Variants in MOB2 observed in about 807,000 individuals in gnomAD.
MOB2 encodes MOB kinase activator 2.
A neutral mutation model predicts 27.4 loss-of-function variants in MOB2; 14 were observed. The ratio of observed to expected loss-of-function variants is 0.51; its 90% CI spans 0.34 to 0.80. The LOEUF is 0.80. Among genes scored for constraint, MOB2 ranks in the 30% least tolerant of loss-of-function variants. The probability of loss-of-function intolerance (pLI) is 0.01; values close to 1 mark genes in which losing one functional copy is unlikely to be tolerated. For missense variants in MOB2, 304 were observed against 354.6 expected, an observed-to-expected ratio of 0.86 and a Z score of 1.15; for synonymous variants, 167 against 151.8, an observed-to-expected ratio of 1.10 and a Z score of -0.74.
At chr11:1,476,090 C>T (rs1268325051) in intron 3 of MOB2, among the ~76,000 whole-genome samples, 1 of 152,166 alleles carries the variant, frequency 6.6e-6, no homozygotes, top group Admixed American at 6.5e-5. Context: ...GGAGGAGGCA[C>T]ACCTGGAGCA....
rs759934798 is a variant in MOB2 at position 1,470,252 on chromosome 11, C to CGGCCCCGCT, written c.718_726dup (p.Ser240_Ala242dup). ...CCACTGCCCCCACTGTGGACCCCGC[C>CGGCCCCGCT]GGCCCCGCTGCATAGCACCTCGGTG... On this transcript the variant is annotated inframe_insertion, in exon 5 of 5. Coordinates refer to ENST00000329957, the MANE Select transcript of MOB2 (RefSeq NM_001172223.3). 1.2e-6 allele frequency: 2 copies of CGGCCCCGCT among 1,612,696 alleles called. No individual in the cohort carries two copies. Among genetic ancestry groups the CGGCCCCGCT allele is most frequent in the East Asian group, 4.5e-5 (2 of 44,876 alleles).
chr11:1,470,059 CCT>C lies in MOB2; in HGVS notation c.*111_*112del. ...AGCCCACACCAGTGCAGCCCGGGGC[CCT>C]CTCAGACCTCACCACACGCGTGCCC... On this transcript the variant is annotated 3_prime_UTR_variant, in exon 5 of 5. Transcript: ENST00000329957. The C allele has an allele frequency of 6.5e-7, 1 of 1,538,388 alleles. No homozygotes were observed. Among genetic ancestry groups the C allele is most frequent in the African/African-American group, 1.4e-5 (1 of 73,188 alleles).
chr11:1,481,168 C>A (rs763909205), intron 1 of MOB2: 2 of 568,872 alleles, frequency 3.5e-6, no homozygotes, highest in Admixed American at 5.2e-5. Flanking sequence ...TCACCCCTCA[C>A]CAAGTCCTCC....
At chr11:1,482,313 C>T (rs1202606480) in intron 1 of MOB2, among the ~76,000 whole-genome samples, 1 of 152,232 alleles carries the variant, frequency 6.6e-6, no homozygotes, top group Non-Finnish European at 1.5e-5. Context: ...GCTGTCAGCG[C>T]GCTCACTCTC....
chr11:1,478,186 A>C (rs1281793121), intron 3 of MOB2, among the ~76,000 whole-genome samples: 1 of 151,402 alleles, frequency 6.6e-6, no homozygotes, highest in Admixed American at 6.6e-5. Context: ...CCACAGCCCC[A>C]CCGCCACCAC....
chr11:1,481,121 C>G (rs1847908567), intron 1 of MOB2: 1 of 653,406 alleles, frequency 1.5e-6, no homozygotes, highest in African/African-American at 1.8e-5. Flanking sequence ...GGCTGGCGCT[C>G]CCACTTGCCA....
rs895534872 is a variant in MOB2, at chr11:1,470,504, G to A, written c.491-16C>T. On this transcript the variant is annotated splice_polypyrimidine_tract_variant and intron_variant, in intron 4 of 4. Transcript: ENST00000329957. The stretch of plus-strand genomic sequence containing the variant: ...AATTCTCTGCCTGGGGAAGGCCACC[G>A]TGTCACAAGCTGCAGACATCCCTTG... 19 of 1,605,750 alleles carry A rather than the reference G, an allele frequency of 1.2e-5. No individual in the cohort carries two copies. The Admixed American group carries it at 2.0e-4, about 17-fold the overall frequency.
In MOB2 at chr11:1,486,630, GC is replaced by G; in HGVS notation, c.-75del. On this transcript the variant is annotated 5_prime_UTR_variant, in exon 1 of 5. Transcript: ENST00000329957. ...TGGCCAGCACTCGCAAATGCCTGCTGCCGGGCCCTCCAGCCTCACTCCCTGG... is the reference window on the plus strand; with the variant it reads ...TGGCCAGCACTCGCAAATGCCTGCTGCGGGCCCTCCAGCCTCACTCCCTGG... The G allele has an allele frequency of 9.8e-7, 1 of 1,018,748 alleles. No individual in the cohort carries two copies. Among genetic ancestry groups the G allele is most frequent in the Non-Finnish European group, 1.5e-6 (1 of 685,554 alleles). 63.1% of individuals were successfully genotyped at this position (1,018,748 alleles called of 1,614,324 possible). A position where few individuals can be genotyped will look rare whatever the true frequency, so the allele number is the denominator to read the frequency against.
chr11:1,480,343 C>A (rs1490975920), intron 3 of MOB2, 50 bp downstream of exon 3: 2 of 1,550,658 alleles, frequency 1.3e-6, no homozygotes, highest in Non-Finnish European at 1.8e-6. Flanking sequence ...GGGCTCAGAG[C>A]CCCACCGAGT....
intron 3 of MOB2, among the ~76,000 whole-genome samples, chr11:1,480,053 A>C (rs1022868845): frequency 2.0e-5 from 3 of 152,184 alleles, no homozygotes; most frequent in Non-Finnish European, 4.4e-5. Flanking sequence ...CCCAGCCCTC[A>C]CTGTCCCATC....
At chr11:1,480,567 G>T in intron 2 of MOB2, 81 bp from the exon 3 acceptor site, 2 of 1,549,076 alleles carry the variant, frequency 1.3e-6, no homozygotes, top group Non-Finnish European at 1.8e-6. Flanking sequence ...AGCAACAGGT[G>T]CAGGAGCTCG....
intron 3 of MOB2, among the ~76,000 whole-genome samples, chr11:1,474,735 G>A (rs979444722): frequency 6.6e-6 from 1 of 150,618 alleles, no homozygotes; most frequent in Non-Finnish European, 1.5e-5. Context: ...TTTGTGTGGG[G>A]CTGTCTCCGG....
chr11:1,470,426 C>G lies in MOB2; in HGVS notation c.553G>C (p.Val185Leu). 1 of 1,613,668 alleles carries G rather than the reference C, an allele frequency of 6.2e-7. No homozygotes were observed. Among genetic ancestry groups the G allele is most frequent in the Non-Finnish European group, 8.5e-7 (1 of 1,179,872 alleles). ...VRKICRHLFH[V>L]LAHIYWAHFK... ...TGGGCCCAGTAGATGTGTGCCAGCA[C>G]GTGGAACAGGTGTCTGCAGATCTTC... Residue 185 changes from valine to leucine, a missense_variant, in exon 5 of 5, where the codon GTG (valine) becomes CTG (leucine). Val to Leu is a conservative substitution (Grantham distance 32). Coordinates refer to ENST00000329957, the MANE Select transcript of MOB2 (RefSeq NM_001172223.3).
chr11:1,478,695 C>G (rs1390251711), intron 3 of MOB2, among the ~76,000 whole-genome samples: 1 of 152,230 alleles, frequency 6.6e-6, no homozygotes, highest in Non-Finnish European at 1.5e-5. Flanking sequence ...CTTCTTAAGT[C>G]TGCAGGTTTG....
chr11:1,471,544 G>A, intron 3 of MOB2, 125 bp from the exon 4 acceptor site: 1 of 1,220,998 alleles, frequency 8.2e-7, no homozygotes, highest in Non-Finnish European at 1.1e-6. Flanking sequence ...GCAGACCCAG[G>A]TGTCTCCCTC....
chr11:1,472,601 G>C (rs1479420928), intron 3 of MOB2: 3 of 152,400 alleles, frequency 2.0e-5, no homozygotes. Flanking sequence ...GGTTCCTCTT[G>C]GAATGGCCCT....
intron 3 of MOB2, chr11:1,471,661 A>C (rs1412174619): frequency 6.4e-6 from 3 of 471,436 alleles, no homozygotes; most frequent in Non-Finnish European, 7.5e-6. Context: ...CACGCTGGGG[A>C]GCCTGCCAGC....
intron 3 of MOB2, 125 bp from the exon 4 acceptor site, chr11:1,471,544 G>T: frequency 2.5e-6 from 3 of 1,221,000 alleles, no homozygotes; most frequent in South Asian, 1.4e-5. Context: ...GCAGACCCAG[G>T]TGTCTCCCTC....
At chr11:1,474,808 G>A (rs1847835146) in intron 3 of MOB2, among the ~76,000 whole-genome samples, 1 of 152,232 alleles carries the variant, frequency 6.6e-6, no homozygotes, top group African/African-American at 2.4e-5. Context: ...ATGGAGCTCT[G>A]TATCCATTCC....
Sources: gnomAD v4.1 joint callset for allele counts (sites outside exome capture counted in the v4.1 genomes callset) on GRCh38, gnomAD v4.1.1 for gene constraint, MANE v1.5 for transcripts, NCBI Gene and HGNC (gene_info 2026-07-23, HGNC 2026-07-21) for gene names.